The following CENPW variants were observed in gnomAD, a reference collection of about 807,000 sequenced individuals.
The protein encoded by CENPW is centromere protein W.
CENPW carries 3 observed loss-of-function variants against 11.1 expected under a neutral mutation model. That is an observed-to-expected ratio of 0.27 (90% confidence interval 0.12 to 0.70). The LOEUF is 0.70. Ranked by LOEUF, CENPW falls within the 30% of genes least tolerant of loss-of-function variation. The probability of loss-of-function intolerance (pLI) is 0.77; values close to 1 mark genes in which losing one functional copy is unlikely to be tolerated. For missense variants in CENPW, 100 were observed against 105.6 expected, an observed-to-expected ratio of 0.95 and a Z score of 0.23; for synonymous variants, 38 against 42.0, an observed-to-expected ratio of 0.91 and a Z score of 0.37.
At chr6:126,359,744 G>T in the CENPW span, among the ~76,000 whole-genome samples, 1 of 150,582 alleles carries the variant, frequency 6.6e-6, no homozygotes, top group Admixed American at 6.6e-5. Flanking sequence ...AGCAACTCCT[G>T]CTTTTTTCTT....
chr6:126,408,557 C>G, the CENPW span, among the ~76,000 whole-genome samples: 1 of 151,810 alleles, frequency 6.6e-6, no homozygotes, highest in African/African-American at 2.4e-5. Context: ...GGGGACACAA[C>G]CAAACCATAT....
the CENPW span, among the ~76,000 whole-genome samples, chr6:126,364,450 G>A: frequency 6.6e-6 from 1 of 152,066 alleles, no homozygotes; most frequent in African/African-American, 2.4e-5. Flanking sequence ...AAAGTTTCCT[G>A]TTAATAAAAT....
At chr6:126,403,315 A>G in the CENPW span, among the ~76,000 whole-genome samples, 1 of 152,148 alleles carries the variant, frequency 6.6e-6, no homozygotes, top group Non-Finnish European at 1.5e-5. Flanking sequence ...ATTAAGCTTT[A>G]GTGAGGAAGC....
the CENPW span, among the ~76,000 whole-genome samples, chr6:126,477,109 C>T: frequency 6.6e-6 from 1 of 151,936 alleles, no homozygotes; most frequent in African/African-American, 2.4e-5. Context: ...AGAGAAAATT[C>T]AAGTCTACCG....
the CENPW span, among the ~76,000 whole-genome samples, chr6:126,449,993 C>T: frequency 6.6e-5 from 10 of 150,972 alleles, no homozygotes; most frequent in South Asian, 2.1e-3. Flanking sequence ...TCCACAGTGC[C>T]CAGCAATGTC....
chr6:126,384,653 TCAAAA>T, the CENPW span, among the ~76,000 whole-genome samples: 2 of 151,936 alleles, frequency 1.3e-5, no homozygotes, highest in East Asian at 3.9e-4. Flanking sequence ...AATGTAAAAC[TCAAAA>T]CTATAAAAAC....
chr6:126,475,387 A>G, the CENPW span, among the ~76,000 whole-genome samples: 1 of 152,092 alleles, frequency 6.6e-6, no homozygotes, highest in East Asian at 1.9e-4. Flanking sequence ...CTTGTGCCCC[A>G]TAAATAGATA....
chr6:126,444,135 A>G, the CENPW span, among the ~76,000 whole-genome samples: 4 of 138,814 alleles, frequency 2.9e-5, no homozygotes, highest in Non-Finnish European at 6.3e-5. Flanking sequence ...TTTAAAAGTT[A>G]TTTTTACTAG....
chr6:126,350,102 A>G (rs1780473860), downstream of CENPW, among the ~76,000 whole-genome samples: 1 of 152,170 alleles, frequency 6.6e-6, no homozygotes, highest in Admixed American at 6.5e-5. Context: ...CATTTCCATT[A>G]GCAGTGTATG....
At chr6:126,442,054 T>G in the CENPW span, among the ~76,000 whole-genome samples, 6 of 151,778 alleles carry the variant, frequency 4.0e-5, no homozygotes, top group Admixed American at 3.9e-4. Flanking sequence ...GTTGTACCAG[T>G]TTACATTCCC....
At chr6:126,369,428 C>T in the CENPW span, among the ~76,000 whole-genome samples, 11 of 152,162 alleles carry the variant, frequency 7.2e-5, no homozygotes, top group Non-Finnish European at 1.3e-4. Flanking sequence ...TTCACAACAT[C>T]CTTGCCAACA....
the CENPW span, among the ~76,000 whole-genome samples, chr6:126,428,818 C>T: frequency 7.2e-5 from 11 of 152,176 alleles, no homozygotes; most frequent in Non-Finnish European, 1.0e-4. Flanking sequence ...TTTTTCTTGA[C>T]ATAAAATCAT....
the CENPW span, among the ~76,000 whole-genome samples, chr6:126,472,528 T>C: frequency 6.6e-6 from 1 of 152,232 alleles, no homozygotes; most frequent in Non-Finnish European, 1.5e-5. Flanking sequence ...TTCCATTGCA[T>C]AGAAATGCCA....
chr6:126,389,907 A>G, the CENPW span, among the ~76,000 whole-genome samples: 1 of 151,966 alleles, frequency 6.6e-6, no homozygotes, highest in East Asian at 1.9e-4. Context: ...TCACTCTGCT[A>G]CAACACTGGC....
chr6:126,408,144 A>T, the CENPW span, among the ~76,000 whole-genome samples: 2 of 152,140 alleles, frequency 1.3e-5, no homozygotes, highest in African/African-American at 4.8e-5. Context: ...CATAAAGTTG[A>T]AATTAATAAA....
intron 1 of CENPW, among the ~76,000 whole-genome samples, chr6:126,342,990 T>C (rs989822088): frequency 3.9e-5 from 6 of 152,186 alleles, no homozygotes; most frequent in Non-Finnish European, 8.8e-5. Flanking sequence ...GGGAGAGAGT[T>C]AACATCTGTT....
chr6:126,440,599 T>C, the CENPW span, among the ~76,000 whole-genome samples: 2 of 151,538 alleles, frequency 1.3e-5, no homozygotes, highest in Non-Finnish European at 1.5e-5. Flanking sequence ...ATGTTATAGA[T>C]GTCTACAGAA....
chr6:126,381,028 G>A, the CENPW span, among the ~76,000 whole-genome samples: 4 of 152,100 alleles, frequency 2.6e-5, no homozygotes, highest in South Asian at 4.1e-4. Context: ...CACTCTCAAC[G>A]TTTGATCAAG....
the CENPW span, among the ~76,000 whole-genome samples, chr6:126,480,721 A>G: frequency 6.6e-6 from 1 of 151,950 alleles, no homozygotes; most frequent in Admixed American, 6.6e-5. Context: ...GAGTATAGAC[A>G]CTGCTTGTGC....
Sources: allele counts gnomAD v4.1 joint callset (sites outside exome capture counted in the v4.1 genomes callset), GRCh38; gene constraint gnomAD v4.1.1; transcripts MANE v1.5; gene names NCBI Gene and HGNC (gene_info 2026-07-23, HGNC 2026-07-21).